ESRRB: variants seen among roughly 807,000 people sequenced by gnomAD.
ESRRB encodes steroid hormone receptor ERR2.
A neutral mutation model predicts 46.0 loss-of-function variants in ESRRB; 16 were observed. The observed-to-expected ratio is 0.35, with a 90% CI of 0.24 to 0.53. ESRRB has a LOEUF of 0.53. Among genes scored for constraint, ESRRB ranks in the 20% least tolerant of loss-of-function variants. The pLI is 0.93. For synonymous variants in ESRRB, 246 were observed against 259.6 expected (o/e 0.95, Z 0.50); for missense variants, 488 against 607.4 (o/e 0.80, Z 2.07).
chr14:76,359,795 G>A (rs1884441435), intron 1 of ESRRB, among the ~76,000 whole-genome samples: 1 of 152,138 alleles, frequency 6.6e-6, no homozygotes, highest in Non-Finnish European at 1.5e-5. Context: ...GAGAAGGGAG[G>A]AAGAGGAAAC....
intron 1 of ESRRB, among the ~76,000 whole-genome samples, chr14:76,397,434 C>A (rs1332527844): frequency 6.6e-6 from 1 of 152,244 alleles, no homozygotes; most frequent in Non-Finnish European, 1.5e-5. Flanking sequence ...CGCAAAACAG[C>A]CAAAGCGCCA....
intron 1 of ESRRB, among the ~76,000 whole-genome samples, chr14:76,312,088 G>A (rs1161521026): frequency 6.9e-6 from 1 of 145,456 alleles, no homozygotes; most frequent in Non-Finnish European, 1.5e-5. Context: ...GATACCATAT[G>A]CTATATGACT....
At chr14:76,426,964 C>T (rs1374028910) in intron 1 of ESRRB, among the ~76,000 whole-genome samples, 5 of 152,160 alleles carry the variant, frequency 3.3e-5, no homozygotes. Flanking sequence ...GAGAAGCCCC[C>T]TTGAGTAAAC....
At chr14:76,344,435 C>T (rs1009906507) in intron 1 of ESRRB, among the ~76,000 whole-genome samples, 16 of 152,240 alleles carry the variant, frequency 1.1e-4, no homozygotes, top group Non-Finnish European at 2.1e-4. Context: ...CCACTCTTCC[C>T]CACAAGCCCC....
At chr14:76,496,213 G>A (rs994467336) in intron 6 of ESRRB, among the ~76,000 whole-genome samples, 4 of 152,248 alleles carry the variant, frequency 2.6e-5, no homozygotes, top group African/African-American at 7.2e-5. Flanking sequence ...TGGGGAAGAG[G>A]AGCCAGTTGG....
At chr14:76,470,344 T>C (rs1889330950) in intron 3 of ESRRB, among the ~76,000 whole-genome samples, 1 of 152,168 alleles carries the variant, frequency 6.6e-6, no homozygotes, top group African/African-American at 2.4e-5. Flanking sequence ...GATAGCAGTT[T>C]CATTCCCGCT....
rs554843540 is a variant in ESRRB at position 76,500,609 on chromosome 14, C to A, written c.*2151C>A. 1.4e-6 allele frequency: 2 copies of A among 1,432,166 alleles called. No individual in the cohort carries two copies. The highest frequency in any genetic ancestry group is 2.3e-5 in the South Asian group (2 of 87,520). 88.7% of individuals were successfully genotyped at this position (1,432,166 alleles called of 1,614,324 possible). On this transcript the variant is annotated 3_prime_UTR_variant, in exon 7 of 7. Coordinates refer to ENST00000644823, the MANE Select transcript of ESRRB (RefSeq NM_001379180.1). ...CCTTGCAGCGGGGCCGAGGTAGCACCCTGCTCTGTCACTTCCTGCTCAAGC... is the reference window on the plus strand; with the variant it reads ...CCTTGCAGCGGGGCCGAGGTAGCACACTGCTCTGTCACTTCCTGCTCAAGC...
intron 1 of ESRRB, among the ~76,000 whole-genome samples, chr14:76,321,162 C>T (rs1883862493): frequency 1.3e-5 from 2 of 152,216 alleles, no homozygotes; most frequent in South Asian, 4.1e-4. Flanking sequence ...CTATTGGTCT[C>T]TGTGCCCCTT....
intron 3 of ESRRB, among the ~76,000 whole-genome samples, chr14:76,466,515 T>G (rs2139999885): frequency 6.6e-6 from 1 of 152,134 alleles, no homozygotes; most frequent in East Asian, 1.9e-4. Flanking sequence ...CCTGTGACTT[T>G]CTCCCTGGAA....
chr14:76,386,048 T>C (rs1444554782), intron 1 of ESRRB, among the ~76,000 whole-genome samples: 1 of 152,230 alleles, frequency 6.6e-6, no homozygotes, highest in Non-Finnish European at 1.5e-5. Context: ...TTTGACATAA[T>C]CTCACAATTA....
At chr14:76,396,656 C>T (rs1885694285) in intron 1 of ESRRB, among the ~76,000 whole-genome samples, 1 of 152,238 alleles carries the variant, frequency 6.6e-6, no homozygotes, top group African/African-American at 2.4e-5. Context: ...GGTTCTGTCC[C>T]TGCTCCAGGT....
At chr14:76,362,045 GCA>G (rs2139772540) in intron 1 of ESRRB, among the ~76,000 whole-genome samples, 1 of 152,318 alleles carries the variant, frequency 6.6e-6, no homozygotes, top group Admixed American at 6.5e-5. Flanking sequence ...CCAAATCTGA[GCA>G]CAGTGTGGGT....
intron 2 of ESRRB, among the ~76,000 whole-genome samples, chr14:76,455,216 C>CA (rs1167541418): frequency 9.2e-5 from 14 of 151,566 alleles, no homozygotes; most frequent in South Asian, 6.3e-4. Flanking sequence ...GACTTTGTCT[C>CA]AAAAAAAATA....
upstream of ESRRB, among the ~76,000 whole-genome samples, chr14:76,374,489 C>T (rs757173392): frequency 6.6e-6 from 1 of 152,064 alleles, no homozygotes; most frequent in African/African-American, 2.4e-5. Context: ...CCTTGGAGGC[C>T]AAGGACTGGG....
rs997679022 is a variant in ESRRB, at chr14:76,394,759, A to G, written c.50+18308A>G. ...TGGGGTTCTGAGTACCTAAATGGTG[A>G]GCCTCGGGCCAGGCAGTGCAGATCA... On this transcript the variant is annotated intron_variant, in intron 1 of 6. Coordinates refer to ENST00000644823, the MANE Select transcript of ESRRB (RefSeq NM_001379180.1). Among the ~76,000 whole-genome samples the G allele has an allele frequency of 5.3e-5, 8 of 152,248 alleles. No individual in the cohort carries two copies. The East Asian group carries it at 1.5e-3, about 29-fold the overall frequency.
intron 1 of ESRRB, among the ~76,000 whole-genome samples, chr14:76,434,560 T>C (rs1340147520): frequency 6.6e-6 from 1 of 150,874 alleles, no homozygotes; most frequent in Non-Finnish European, 1.5e-5. Context: ...CTCGGGAGGC[T>C]GAGGCAAGAA....
chr14:76,467,096 C>G (rs548527090), intron 3 of ESRRB, among the ~76,000 whole-genome samples: 1 of 152,262 alleles, frequency 6.6e-6, no homozygotes, highest in African/African-American at 2.4e-5. Flanking sequence ...ACCTGCTTTC[C>G]TTCACCAGGT....
chr14:76,469,030 C>T (rs1889247035), intron 3 of ESRRB, among the ~76,000 whole-genome samples: 1 of 152,158 alleles, frequency 6.6e-6, no homozygotes, highest in African/African-American at 2.4e-5. Context: ...CTGACAAACG[C>T]TGGTCCCCCT....
At chr14:76,362,329 C>T (rs1289700002) in intron 1 of ESRRB, among the ~76,000 whole-genome samples, 3 of 152,178 alleles carry the variant, frequency 2.0e-5, no homozygotes, top group African/African-American at 7.2e-5. Flanking sequence ...CTTGGGTCTG[C>T]CATACTCCAA....
Sources: allele counts gnomAD v4.1 joint callset (sites outside exome capture counted in the v4.1 genomes callset), GRCh38; gene constraint gnomAD v4.1.1; transcripts MANE v1.5; gene names NCBI Gene and HGNC (gene_info 2026-07-23, HGNC 2026-07-21).